Variants in HIP1 observed in about 807,000 individuals in gnomAD.
HIP1 encodes the protein huntingtin interacting protein 1, also known as huntingtin-interacting protein 1.
A neutral mutation model predicts 147.6 loss-of-function variants in HIP1; 65 were observed. The ratio of observed to expected loss-of-function variants is 0.44; its 90% confidence interval spans 0.36 to 0.54. The LOEUF is 0.54. HIP1 is among the 20% of genes least tolerant of loss of function. HIP1 has a pLI of 0.00. For synonymous variants in HIP1, 479 were observed against 504.0 expected (o/e 0.95, Z 0.67); for missense variants, 1,061 against 1,299.6 (o/e 0.82, Z 2.82).
At chr7:75,589,718 CT>C (rs1554500331) in intron 4 of HIP1, among the ~76,000 whole-genome samples, 12 of 93,422 alleles carry the variant, frequency 1.3e-4, no homozygotes, top group Non-Finnish European at 1.9e-4. Flanking sequence ...AAAAAAAAGA[CT>C]TTTTTTTTGG....
rs55679922 is a variant in HIP1, at chr7:75,551,189, A to ATTTTTTTTTTTTTTTTT, written c.2296-2205_2296-2189dup. ...TAGGGAGGCAAAGATGTAGATGATAATTTTTTTTTTTTTTTTTTTTTTTTT... is the reference window on the plus strand; with the variant it reads ...TAGGGAGGCAAAGATGTAGATGATAATTTTTTTTTTTTTTTTTTTTTTTTTTTTTTTTTTTTTTTTTT... On this transcript the variant is annotated intron_variant, in intron 22 of 30. Coordinates refer to ENST00000336926, the MANE Select transcript of HIP1 (RefSeq NM_005338.7). 2.9e-3 allele frequency among the ~76,000 whole-genome samples: 227 copies of ATTTTTTTTTTTTTTTTT among 77,410 alleles called. 55 individuals are homozygous for ATTTTTTTTTTTTTTTTT. Among genetic ancestry groups the ATTTTTTTTTTTTTTTTT allele is most frequent in the African/African-American group, 7.6e-3 (112 of 14,716 alleles). The allele number at this position is 77,410 out of a possible 152,430, so 50.8% of individuals were successfully genotyped here. A position where few individuals can be genotyped will look rare whatever the true frequency, so the allele number is the denominator to read the frequency against.
chr7:75,588,350 G>T (rs1388480135), intron 4 of HIP1, among the ~76,000 whole-genome samples: 1 of 152,052 alleles, frequency 6.6e-6, no homozygotes, highest in Non-Finnish European at 1.5e-5. Flanking sequence ...GCACCAAAAG[G>T]GACGGAGGAC....
chr7:75,701,148 C>G (rs542371562), intron 1 of HIP1, among the ~76,000 whole-genome samples: 1 of 152,280 alleles, frequency 6.6e-6, no homozygotes, highest in Admixed American at 6.5e-5. Context: ...AATCCTGGCA[C>G]TTTGGAAGGC....
At chr7:75,726,553 G>A (rs1365967032) in intron 1 of HIP1, among the ~76,000 whole-genome samples, 1 of 151,940 alleles carries the variant, frequency 6.6e-6, no homozygotes, top group South Asian at 2.1e-4. Flanking sequence ...AAAAGTGCTG[G>A]GATTACAGGC....
intron 29 of HIP1, among the ~76,000 whole-genome samples, chr7:75,539,711 C>CT (rs782119214): frequency 7.9e-5 from 12 of 152,176 alleles, no homozygotes; most frequent in South Asian, 4.1e-4. Flanking sequence ...TTATCTGGCC[C>CT]TCAATTTCAA....
chr7:75,570,078 C>T (rs868989910), intron 8 of HIP1, among the ~76,000 whole-genome samples: 6 of 151,916 alleles, frequency 3.9e-5, no homozygotes, highest in Admixed American at 6.6e-5. Flanking sequence ...GGACTACAGG[C>T]GCGCGCCACC....
intron 21 of HIP1, 79 bp downstream of exon 21, chr7:75,554,034 T>G: frequency 9.4e-7 from 1 of 1,063,864 alleles, no homozygotes; most frequent in Non-Finnish European, 1.4e-6. Context: ...CATGAGCCAC[T>G]GCGCCCGGCC....
chr7:75,622,734 T>C (rs966570261), intron 1 of HIP1, among the ~76,000 whole-genome samples: 2 of 151,876 alleles, frequency 1.3e-5, no homozygotes, highest in Non-Finnish European at 2.9e-5. Flanking sequence ...TCCCAATGCT[T>C]TGGGAGGCTG....
intron 1 of HIP1, among the ~76,000 whole-genome samples, chr7:75,693,656 C>T (rs1349753352): frequency 3.3e-5 from 5 of 151,744 alleles, no homozygotes; most frequent in African/African-American, 1.2e-4. Context: ...GGAAGGATTG[C>T]TTGAGCCCAA....
intron 1 of HIP1, among the ~76,000 whole-genome samples, chr7:75,662,917 G>A (rs1554513857): frequency 6.6e-6 from 1 of 152,178 alleles, no homozygotes. Flanking sequence ...CACCAGCACA[G>A]GTGGCTAAGA....
chr7:75,542,943 G>A lies in HIP1; in HGVS notation c.2798C>T (p.Ala933Val), dbSNP rs1554490259. 3 of 1,614,008 alleles carry A rather than the reference G, an allele frequency of 1.9e-6. No homozygotes were observed. The Admixed American group carries it at 5.0e-5, about 27-fold the overall frequency. Residue 933 changes from alanine (A) to valine (V), a missense_variant, in exon 28 of 31, where the codon GCC becomes GTC. By Grantham distance (64) the Ala-to-Val change is moderately conservative. This residue lies in a region of HIP1 where 810 missense variants were observed against 946.8 expected (regional missense o/e 0.86). Coordinates refer to ENST00000336926, the MANE Select transcript of HIP1 (RefSeq NM_005338.7). ...VKADKDSPNLAQLQQASRGVN... is the reference protein window; with the variant it reads ...VKADKDSPNLVQLQQASRGVN... ...TCCCCGAGAGGCCTGCTGCAGCTGGGCTAGGTTGGGGCTGTCCTTATCAGC... is the reference window on the plus strand; with the variant it reads ...TCCCCGAGAGGCCTGCTGCAGCTGGACTAGGTTGGGGCTGTCCTTATCAGC...
intron 1 of HIP1, chr7:75,733,437 T>C (rs1554523298): frequency 6.6e-6 from 1 of 152,548 alleles, no homozygotes; most frequent in Non-Finnish European, 1.5e-5. Context: ...TTTCTTTTTT[T>C]TTTTTTTTTG....
intron 1 of HIP1, among the ~76,000 whole-genome samples, chr7:75,735,030 T>G (rs1801973284): frequency 1.3e-5 from 2 of 152,228 alleles, no homozygotes; most frequent in Non-Finnish European, 2.9e-5. Flanking sequence ...CCCAGTCAGA[T>G]TATAACAATA....
intron 1 of HIP1, among the ~76,000 whole-genome samples, chr7:75,684,278 C>A (rs1044249884): frequency 1.3e-5 from 2 of 151,626 alleles, no homozygotes; most frequent in Admixed American, 6.6e-5. Flanking sequence ...GAAACCGTGT[C>A]TCTACTAAAA....
chr7:75,675,468 C>CT (rs1799860238), intron 1 of HIP1, among the ~76,000 whole-genome samples: 1 of 152,172 alleles, frequency 6.6e-6, no homozygotes, highest in African/African-American at 2.4e-5. Flanking sequence ...TCTCAAAGTG[C>CT]TGGGATCCCA....
intron 1 of HIP1, among the ~76,000 whole-genome samples, chr7:75,700,272 T>G (rs1275902854): frequency 2.0e-5 from 3 of 152,148 alleles, no homozygotes; most frequent in African/African-American, 7.2e-5. Flanking sequence ...CATGAGCCCG[T>G]CAGCTCTTCC....
chr7:75,680,560 G>C (rs1800029540), intron 1 of HIP1, among the ~76,000 whole-genome samples: 2 of 152,070 alleles, frequency 1.3e-5, no homozygotes, highest in African/African-American at 4.8e-5. Flanking sequence ...ACATTCATCT[G>C]CTTCCAAACC....
intron 25 of HIP1, among the ~76,000 whole-genome samples, chr7:75,545,452 G>A (rs1481694425): frequency 1.3e-5 from 2 of 151,284 alleles, no homozygotes; most frequent in African/African-American, 4.9e-5. Flanking sequence ...GACCAGCTTG[G>A]GCAACATGGT....
At chr7:75,567,074 C>T (rs1012621827) in intron 9 of HIP1, among the ~76,000 whole-genome samples, 4 of 150,698 alleles carry the variant, frequency 2.7e-5, no homozygotes, top group Non-Finnish European at 2.9e-5. Context: ...ATCACACCAC[C>T]GCACTCAAGC....
Sources: gnomAD v4.1 joint callset for allele counts (sites outside exome capture counted in the v4.1 genomes callset) on GRCh38, gnomAD v4.1.1 for gene constraint, gnomAD v4.1.1 regional missense constraint, MANE v1.5 for transcripts, NCBI Gene and HGNC (gene_info 2026-07-23, HGNC 2026-07-21) for gene names.